The following SERBP1 variants were observed in gnomAD, a reference collection of about 807,000 sequenced individuals.
SERBP1 encodes the protein SERPINE1 mRNA-binding protein 1.
Under a neutral mutation model 50.2 loss-of-function variants are expected in SERBP1, and 6 were observed. That is an observed-to-expected ratio of 0.12 (90% CI 0.07 to 0.24). The LOEUF (loss-of-function observed/expected upper bound fraction) is 0.24. Ranked by LOEUF, SERBP1 falls within the 10% of genes least tolerant of loss-of-function variation. The pLI, the probability that SERBP1 is intolerant of heterozygous loss-of-function variation, is 1.00. For synonymous variants in SERBP1, 168 were observed against 182.8 expected, an observed-to-expected ratio of 0.92 and a Z score of 0.65; for missense variants, 346 against 524.9, an observed-to-expected ratio of 0.66 and a Z score of 3.33.
In SERBP1 at chr1:67,410,192, T is replaced by G. The variant is rs762647889; in HGVS notation, c.*3015A>C. On this transcript the variant is annotated 3_prime_UTR_variant, in exon 8 of 8. Transcript: ENST00000361219. ...TCATTCCTTTGAACCTTTTAACACC[T>G]GTTGTTTCCTTCCACATGATGGTAC... 3.9e-5 allele frequency: 6 copies of G among 152,182 alleles called. No individual in the cohort carries two copies. Among genetic ancestry groups the G allele is most frequent in the Non-Finnish European group, 8.8e-5 (6 of 68,022 alleles). The allele number at this position is 152,182 out of a possible 1,614,324, so 9.4% of individuals were successfully genotyped here.
Position 67,425,108 on chromosome 1 carries a change from C to T in SERBP1, c.580G>A (p.Asp194Asn). Residue 194 changes from aspartate to asparagine, a missense_variant, in exon 3 of 8, where the codon GAT (aspartate) becomes AAT (asparagine). By Grantham distance (23) the Asp-to-Asn change is conservative. Transcript: ENST00000361219. ...GATCTATCACTTCCACTATGCCTATCAAATTCACGTTTGCCACGAGAATCA... is the reference window on the plus strand; with the variant it reads ...GATCTATCACTTCCACTATGCCTATTAAATTCACGTTTGCCACGAGAATCA... ...GFDSRGKREF[D>N]RHSGSDRSSF... 1 of 1,611,332 alleles carries T rather than the reference C, an allele frequency of 6.2e-7. No individual in the cohort carries two copies. Among genetic ancestry groups the T allele is most frequent in the Non-Finnish European group, 8.5e-7 (1 of 1,179,704 alleles).
rs1445372368 is a variant in SERBP1, at chr1:67,408,696, A to G, written c.*4511T>C. 6.6e-6 allele frequency: 1 copy of G among 152,202 alleles called. No individual in the cohort carries two copies. Among genetic ancestry groups the G allele is most frequent in the Middle Eastern group, 3.2e-3 (1 of 316 alleles). 9.4% of individuals were successfully genotyped at this position (152,202 alleles called of 1,614,324 possible). On this transcript the variant is annotated 3_prime_UTR_variant, in exon 8 of 8. Transcript: ENST00000361219. ...ATAGAAAAACCTCTTTGCACAACGC[A>G]AAGGACTTACACAAAGGGATCTGAG...
At chr1:67,425,626 GGAGA>G (rs972636479) in intron 2 of SERBP1, among the ~76,000 whole-genome samples, 7 of 152,258 alleles carry the variant, frequency 4.6e-5, no homozygotes, top group African/African-American at 1.2e-4. Context: ...CTCTGTATCT[GGAGA>G]GAGAAAGAAA....
chr1:67,417,780 G>A (rs893776951), intron 6 of SERBP1, among the ~76,000 whole-genome samples: 1 of 151,878 alleles, frequency 6.6e-6, no homozygotes, highest in Non-Finnish European at 1.5e-5. Flanking sequence ...CGAAGTGCTG[G>A]GATTACAGGT....
intron 5 of SERBP1, among the ~76,000 whole-genome samples, chr1:67,421,529 C>A (rs1235107037): frequency 3.3e-5 from 5 of 152,194 alleles, no homozygotes; most frequent in Non-Finnish European, 5.9e-5. Context: ...TTTCTTTAAA[C>A]CAAACACCCT....
chr1:67,425,226 A>G lies in SERBP1; in HGVS notation c.465-3T>C, dbSNP rs372092348. Reference sequence around the variant, plus strand: ...GAATAGGTCGGTCAATAATCGGTCTATAATATAAACAAATAAATTATACTT... The same window carrying G: ...GAATAGGTCGGTCAATAATCGGTCTGTAATATAAACAAATAAATTATACTT... On this transcript the variant is annotated splice_region_variant and splice_polypyrimidine_tract_variant and intron_variant, in intron 2 of 7. Transcript: ENST00000361219. The G allele has an allele frequency of 1.9e-6, 3 of 1,587,386 alleles. No homozygotes were observed. In the African/African-American group the frequency reaches 4.1e-5, roughly 22 times the overall value.
intron 5 of SERBP1, among the ~76,000 whole-genome samples, chr1:67,421,433 T>C (rs1357111020): frequency 6.6e-6 from 1 of 152,228 alleles, no homozygotes; most frequent in Non-Finnish European, 1.5e-5. Context: ...TTGTGTTTCT[T>C]AAATTTATAC....
chr1:67,429,898 C>G (rs1667513355), intron 1 of SERBP1, 90 bp downstream of exon 1: 2 of 1,369,612 alleles, frequency 1.5e-6, no homozygotes, highest in African/African-American at 2.9e-5. Context: ...CTCCCGCGGA[C>G]CCTCGGAGCT....
At chr1:67,421,508 T>G (rs12742136) in intron 5 of SERBP1, among the ~76,000 whole-genome samples, 2 of 152,228 alleles carry the variant, frequency 1.3e-5, no homozygotes, top group Non-Finnish European at 2.9e-5. Flanking sequence ...TCTAATGTGA[T>G]GGATAATTAT....
Position 67,409,301 on chromosome 1 carries a change from T to G in SERBP1, c.*3906A>C, listed in dbSNP as rs1259062147. The G allele has an allele frequency of 6.7e-6, 1 of 150,042 alleles. No individual in the cohort carries two copies. The highest frequency in any genetic ancestry group is 1.5e-5 in the Non-Finnish European group (1 of 67,588). 9.3% of individuals were successfully genotyped at this position (150,042 alleles called of 1,614,324 possible). ...CATTTCTGTGAAAGGCGGTATCTTATGCTGGGCTGCCTACATTTTTCTGTG... is the reference window on the plus strand; with the variant it reads ...CATTTCTGTGAAAGGCGGTATCTTAGGCTGGGCTGCCTACATTTTTCTGTG... On this transcript the variant is annotated 3_prime_UTR_variant, in exon 8 of 8. Coordinates refer to ENST00000361219, the MANE Select transcript of SERBP1 (RefSeq NM_001018069.2).
At chr1:67,422,412 A>G (rs1261983099) in intron 5 of SERBP1, among the ~76,000 whole-genome samples, 2 of 151,782 alleles carry the variant, frequency 1.3e-5, no homozygotes, top group African/African-American at 2.4e-5. Flanking sequence ...TCAGGAGCTG[A>G]GGCAGGAGAA....
At chr1:67,417,977 T>G (rs1291705174) in intron 6 of SERBP1, among the ~76,000 whole-genome samples, 15 of 137,736 alleles carry the variant, frequency 1.1e-4, no homozygotes, top group African/African-American at 3.8e-4. Context: ...TGTTGTTTTT[T>G]TTTTTTTTTT....
At chr1:67,429,136 A>G (rs572207356) in intron 1 of SERBP1, among the ~76,000 whole-genome samples, 16 of 152,176 alleles carry the variant, frequency 1.1e-4, no homozygotes, top group African/African-American at 3.9e-4. Flanking sequence ...TGCGAACTCT[A>G]AAGAGCTCTG....
In SERBP1 at chr1:67,425,197, C is replaced by T. The variant is rs1667330083; in HGVS notation, c.491G>A (p.Gly164Asp). 1.2e-6 allele frequency: 2 copies of T among 1,609,486 alleles called. No individual in the cohort carries two copies. The highest frequency in any genetic ancestry group is 1.7e-6 in the Non-Finnish European group (2 of 1,179,070). Residue 164 changes from glycine to aspartate, a missense_variant, in exon 3 of 8, where the codon GGT (glycine) becomes GAT (aspartate). Gly to Asp is a moderately conservative substitution (Grantham distance 94). Coordinates refer to ENST00000361219, the MANE Select transcript of SERBP1 (RefSeq NM_001018069.2). ...TCGACCTCTTCCAAGACCACCACGACCTCGAATAGGTCGGTCAATAATCGG... is the reference window on the plus strand; with the variant it reads ...TCGACCTCTTCCAAGACCACCACGATCTCGAATAGGTCGGTCAATAATCGG... ...DRPIIDRPIR[G>D]RGGLGRGRGG...
Position 67,412,957 on chromosome 1 carries a change from T to C in SERBP1, c.*250A>G. On this transcript the variant is annotated 3_prime_UTR_variant, in exon 8 of 8. Coordinates refer to ENST00000361219, the MANE Select transcript of SERBP1 (RefSeq NM_001018069.2). ...AAAAGTATTCATGAAGAATGCATAA[T>C]CTCTGAAAATTATGAAAACATCCCT... 1.9e-6 allele frequency: 1 copy of C among 515,846 alleles called. No individual in the cohort carries two copies. The highest frequency in any genetic ancestry group is 3.4e-6 in the Non-Finnish European group (1 of 296,344). 32.0% of individuals were successfully genotyped at this position (515,846 alleles called of 1,614,324 possible).
chr1:67,429,840 A>C, intron 1 of SERBP1, 148 bp downstream of exon 1: 1 of 941,316 alleles, frequency 1.1e-6, no homozygotes. Flanking sequence ...CCTTCGCAGG[A>C]CCGGACTTTT....
chr1:67,430,006 C>A lies in SERBP1; in HGVS notation c.295G>T (p.Val99Leu). The stretch of plus-strand genomic sequence containing the variant: ...GCTTTACCTTCTTTCTTAAGCGCCA[C>A]GGGCGGCTGCGTCTCCTCTTTCTTG... ...VDKKEETQPP[V>L]ALKKEGIRRV... is the part of the protein sequence containing the mutation. The change falls in exon 1 of 8, where the codon GTG (valine) becomes TTG (leucine). Residue 99 changes from valine to leucine, a missense_variant. Transcript: ENST00000361219. The A allele has an allele frequency of 6.2e-7, 1 of 1,610,250 alleles. No homozygotes were observed. The highest frequency in any genetic ancestry group is 8.5e-7 in the Non-Finnish European group (1 of 1,178,284).
chr1:67,421,843 C>G (rs886175580), intron 5 of SERBP1, among the ~76,000 whole-genome samples: 11 of 152,104 alleles, frequency 7.2e-5, no homozygotes, highest in Admixed American at 7.2e-4. Flanking sequence ...AGTCCCAGTA[C>G]TCGGGAGGCT....
intron 1 of SERBP1, among the ~76,000 whole-genome samples, chr1:67,427,660 A>C (rs1667431501): frequency 6.6e-6 from 1 of 152,218 alleles, no homozygotes; most frequent in Non-Finnish European, 1.5e-5. Flanking sequence ...GAGTTATGGA[A>C]CCAGTCCTTG....
Sources: gnomAD v4.1 joint callset for allele counts (sites outside exome capture counted in the v4.1 genomes callset) on GRCh38, gnomAD v4.1.1 for gene constraint, MANE v1.5 for transcripts, NCBI Gene and HGNC (gene_info 2026-07-23, HGNC 2026-07-21) for gene names.